PLBD2: variants seen among roughly 807,000 people sequenced by gnomAD.
PLBD2 encodes the protein putative aminopeptidase PLBD2.
A neutral mutation model predicts 68.3 loss-of-function variants in PLBD2; 51 were observed. That is an observed-to-expected ratio of 0.75 (90% CI 0.60 to 0.94). PLBD2 has a LOEUF of 0.94. Among genes scored for constraint, PLBD2 ranks in the 40% least tolerant of loss-of-function variants. The pLI, the probability that PLBD2 is intolerant of heterozygous loss-of-function variation, is 0.00. For missense variants in PLBD2, 729 were observed against 792.2 expected (o/e 0.92, Z 0.96); for synonymous variants, 314 against 339.3 (o/e 0.93, Z 0.82).
At chr12:113,385,846 G>C (rs907475176) in intron 9 of PLBD2, among the ~76,000 whole-genome samples, 3 of 152,076 alleles carry the variant, frequency 2.0e-5, no homozygotes, top group Non-Finnish European at 4.4e-5. Context: ...CGCCTCCTGA[G>C]CTCAAGTGAT....
At chr12:113,376,323 C>G (rs1957438020) in intron 5 of PLBD2, among the ~76,000 whole-genome samples, 1 of 151,938 alleles carries the variant, frequency 6.6e-6, no homozygotes, top group Non-Finnish European at 1.5e-5. Context: ...ACCACTGTGT[C>G]TGGCTAATTT....
At position 113,360,955 on chromosome 12, in the gene PLBD2, C is replaced by T. The variant is rs188553451; in HGVS notation, c.290+2065C>T. ...CACCCTCTCTCATCCCCTCCTCTTA[C>T]GCTCACATGCCCCTTTCCCTTTGAG... On this transcript the variant is annotated intron_variant, in intron 1 of 11. Transcript: ENST00000280800. Among the ~76,000 whole-genome samples the T allele has an allele frequency of 1.8e-3, 280 of 152,316 alleles. 1 individual carries two copies. The highest frequency in any genetic ancestry group is 6.5e-3 in the African/African-American group (269 of 41,576).
At chr12:113,371,576 G>A (rs1256858718) in intron 2 of PLBD2, among the ~76,000 whole-genome samples, 1 of 152,244 alleles carries the variant, frequency 6.6e-6, no homozygotes, top group South Asian at 2.1e-4. Flanking sequence ...ATGAGACACG[G>A]TTCAGTCTCT....
chr12:113,374,402 T>C, intron 3 of PLBD2, 72 bp from the exon 4 acceptor site: 1 of 1,054,112 alleles, frequency 9.5e-7, no homozygotes, highest in African/African-American at 1.6e-5. Flanking sequence ...CCAGAGCCCG[T>C]CCCGTTGAAG....
Position 113,374,873 on chromosome 12 carries a change from G to A in PLBD2, c.725G>A (p.Gly242Asp). 6.2e-7 allele frequency: 1 copy of A among 1,614,012 alleles called. No homozygotes were observed. Among genetic ancestry groups the A allele is most frequent in the Non-Finnish European group, 8.5e-7 (1 of 1,180,028 alleles). ...KTKIKPSLGS[G>D]SCSALIKLLP... Reference sequence around the variant, plus strand: ...AAGATCAAACCTTCTCTGGGCTCTGGCTCCTGTTCTGCCCTCATCAAGCTG... The same window carrying A: ...AAGATCAAACCTTCTCTGGGCTCTGACTCCTGTTCTGCCCTCATCAAGCTG... The change falls in exon 5 of 12, where the codon GGC becomes GAC. Residue 242 changes from glycine to aspartate, a missense_variant. Coordinates refer to ENST00000280800, the MANE Select transcript of PLBD2 (RefSeq NM_173542.4).
chr12:113,360,207 C>A (rs1404033905), intron 1 of PLBD2, among the ~76,000 whole-genome samples: 1 of 151,980 alleles, frequency 6.6e-6, no homozygotes, highest in African/African-American at 2.4e-5. Context: ...TGGGAAGGCT[C>A]CCAGAGAGAG....
rs146420835 is a variant in PLBD2 at position 113,375,911 on chromosome 12, T to C, written c.859+904T>C. Reference sequence around the variant, plus strand: ...CTCTGGTGCCCAGGCTGGAGTGCAGTGGCATGATCTCAGCTCACTGCAACC... The same window carrying C: ...CTCTGGTGCCCAGGCTGGAGTGCAGCGGCATGATCTCAGCTCACTGCAACC... On this transcript the variant is annotated intron_variant, in intron 5 of 11. Coordinates refer to ENST00000280800, the MANE Select transcript of PLBD2 (RefSeq NM_173542.4). Among the ~76,000 whole-genome samples, 227 of 152,306 alleles carry C rather than the reference T, an allele frequency of 1.5e-3. 1 individual carries two copies. Among genetic ancestry groups the C allele is most frequent in the African/African-American group, 5.1e-3 (211 of 41,566 alleles).
At chr12:113,377,949 C>T (rs1415738159) in intron 5 of PLBD2, among the ~76,000 whole-genome samples, 1 of 152,208 alleles carries the variant, frequency 6.6e-6, no homozygotes, top group Non-Finnish European at 1.5e-5. Flanking sequence ...CACTCCACAA[C>T]CCAAAAGAGA....
At chr12:113,360,464 T>C (rs577530838) in intron 1 of PLBD2, among the ~76,000 whole-genome samples, 1 of 152,166 alleles carries the variant, frequency 6.6e-6, no homozygotes, top group Non-Finnish European at 1.5e-5. Context: ...CTCTTGACTA[T>C]GGTAAACATG....
Position 113,384,764 on chromosome 12 carries a change from TC to T in PLBD2, c.1119-85del. 3 of 1,109,106 alleles carry T rather than the reference TC, an allele frequency of 2.7e-6. No homozygotes were observed. Among genetic ancestry groups the T allele is most frequent in the Non-Finnish European group, 4.0e-6 (3 of 743,476 alleles). The allele number at this position is 1,109,106 out of a possible 1,614,324, so 68.7% of individuals were successfully genotyped here. A position where few individuals can be genotyped will look rare whatever the true frequency, so the allele number is the denominator to read the frequency against. Reference sequence around the variant, plus strand: ...CAACCCCAGGCCCACTTCCTGTAATTCCTAGCTGAGTGGGACACTGCAGGGT... The same window carrying T: ...CAACCCCAGGCCCACTTCCTGTAATTCTAGCTGAGTGGGACACTGCAGGGT... On this transcript the variant is annotated intron_variant, in intron 7 of 11. Transcript: ENST00000280800. The surrounding 1 kb of genome is among the most constrained non-coding windows in gnomAD (Gnocchi z 4.2).
At position 113,370,807 on chromosome 12, in the gene PLBD2, C is replaced by A. The variant is rs531872036; in HGVS notation, c.384+1598C>A. The stretch of plus-strand genomic sequence containing the variant: ...CAGACATGCTATCAGGCATTGATGA[C>A]CACTTTACAGAGACAGCTTGTCATG... On this transcript the variant is annotated intron_variant, in intron 2 of 11. Coordinates refer to ENST00000280800, the MANE Select transcript of PLBD2 (RefSeq NM_173542.4). Among the ~76,000 whole-genome samples, 5 of 152,330 alleles carry A rather than the reference C, an allele frequency of 3.3e-5. No homozygotes were observed. In the East Asian group the frequency reaches 9.6e-4, roughly 29 times the overall value.
chr12:113,375,467 A>G (rs879055810), intron 5 of PLBD2, among the ~76,000 whole-genome samples: 2 of 152,106 alleles, frequency 1.3e-5, no homozygotes, highest in East Asian at 1.9e-4. Flanking sequence ...ATCTTGTTTT[A>G]CATGTTTATT....
chr12:113,371,368 A>G (rs940310225), intron 2 of PLBD2, among the ~76,000 whole-genome samples: 1 of 152,204 alleles, frequency 6.6e-6, no homozygotes. Flanking sequence ...AGCAGTGGAA[A>G]TGGGTGAATC....
intron 5 of PLBD2, among the ~76,000 whole-genome samples, chr12:113,379,662 G>C (rs941094246): frequency 1.3e-5 from 2 of 151,956 alleles, no homozygotes; most frequent in African/African-American, 4.8e-5. Flanking sequence ...TAGGGCAGGG[G>C]TGAGGGTACC....
chr12:113,368,567 C>T (rs540373268), intron 1 of PLBD2, among the ~76,000 whole-genome samples: 9 of 152,274 alleles, frequency 5.9e-5, no homozygotes, highest in South Asian at 2.1e-4. Flanking sequence ...AAGCAGGTCA[C>T]GTGACACAAC....
At position 113,381,390 on chromosome 12, in the gene PLBD2, G is replaced by A. The variant is rs537770328; in HGVS notation, c.957+548G>A. Among the ~76,000 whole-genome samples, 242 of 152,110 alleles carry A rather than the reference G, an allele frequency of 1.6e-3. 2 individuals are homozygous for A. The highest frequency in any genetic ancestry group is 0.014 in the Middle Eastern group (4 of 294). The stretch of plus-strand genomic sequence containing the variant: ...TTTTTCCTGGCTGCGGTCCAGACTT[G>A]TTTAGAAATCTGTCCCTGGCACCCC... On this transcript the variant is annotated intron_variant, in intron 6 of 11. Transcript: ENST00000280800.
intron 1 of PLBD2, among the ~76,000 whole-genome samples, chr12:113,366,023 G>A (rs1158358269): frequency 6.6e-6 from 1 of 152,108 alleles, no homozygotes; most frequent in Non-Finnish European, 1.5e-5. Context: ...AAGGCCAGAT[G>A]AACATCATTC....
At chr12:113,369,246 GC>G in intron 2 of PLBD2, 37 bp downstream of exon 2, 3 of 1,508,820 alleles carry the variant, frequency 2.0e-6, no homozygotes, top group South Asian at 2.4e-5. Flanking sequence ...CTCCCACCCT[GC>G]CCCAGCCCCA....
At chr12:113,378,428 AT>A (rs1957453263) in intron 5 of PLBD2, among the ~76,000 whole-genome samples, 1 of 152,146 alleles carries the variant, frequency 6.6e-6, no homozygotes, top group Non-Finnish European at 1.5e-5. Flanking sequence ...CATAATTAAG[AT>A]TATACTGTAT....
Sources: gnomAD v4.1 joint callset for allele counts (sites outside exome capture counted in the v4.1 genomes callset) on GRCh38, gnomAD v4.1.1 for gene constraint, Gnocchi (gnomAD v3.1) non-coding constraint, MANE v1.5 for transcripts, NCBI Gene and HGNC (gene_info 2026-07-23, HGNC 2026-07-21) for gene names.